TXK: variants seen among roughly 807,000 people sequenced by gnomAD.
TXK encodes the protein tyrosine-protein kinase TXK.
Under a neutral mutation model 81.0 loss-of-function variants are expected in TXK, and 60 were observed. That is an observed-to-expected ratio of 0.74 (90% confidence interval 0.60 to 0.92). The LOEUF (loss-of-function observed/expected upper bound fraction) is 0.92. TXK is among the 40% of genes least tolerant of loss of function. TXK has a pLI of 0.00. For missense variants in TXK, 581 were observed against 638.3 expected (o/e 0.91, Z 0.97); for synonymous variants, 203 against 210.7 (o/e 0.96, Z 0.32).
chr4:48,123,072 T>C (rs1255401003), intron 1 of TXK, among the ~76,000 whole-genome samples: 2 of 152,238 alleles, frequency 1.3e-5, no homozygotes, highest in East Asian at 1.9e-4. Context: ...AAACAAATTA[T>C]TTAATATCAT....
intron 14 of TXK, among the ~76,000 whole-genome samples, chr4:48,068,718 G>C (rs1000662836): frequency 6.6e-6 from 1 of 152,164 alleles, no homozygotes; most frequent in Non-Finnish European, 1.5e-5. Flanking sequence ...GGCACTGTCA[G>C]CATCTTTTAA....
At chr4:48,097,988 C>T (rs1718049895) in intron 6 of TXK, among the ~76,000 whole-genome samples, 1 of 152,040 alleles carries the variant, frequency 6.6e-6, no homozygotes, top group Non-Finnish European at 1.5e-5. Context: ...ACCTTGCGAT[C>T]CGCCCGCCTC....
intron 1 of TXK, among the ~76,000 whole-genome samples, chr4:48,120,174 T>C (rs1250621731): frequency 1.1e-5 from 1 of 94,506 alleles, no homozygotes; most frequent in African/African-American, 2.7e-5. Context: ...TGTATATACG[T>C]ATATGTGTAT....
At chr4:48,077,625 T>C (rs1717123170) in intron 11 of TXK, among the ~76,000 whole-genome samples, 1 of 152,066 alleles carries the variant, frequency 6.6e-6, no homozygotes, top group South Asian at 2.1e-4. Context: ...CTGCAGAGAC[T>C]AGGAAAGTGA....
intron 10 of TXK, among the ~76,000 whole-genome samples, chr4:48,084,540 T>C (rs987659727): frequency 1.3e-5 from 2 of 152,196 alleles, no homozygotes; most frequent in South Asian, 2.1e-4. Context: ...TTTTTTATTA[T>C]GCCTATTTAA....
chr4:48,093,695 C>T (rs917925116), intron 8 of TXK, among the ~76,000 whole-genome samples: 2 of 152,046 alleles, frequency 1.3e-5, no homozygotes, highest in Admixed American at 1.3e-4. Flanking sequence ...CTATTACAAT[C>T]GTCAAAAGTA....
At position 48,089,734 on chromosome 4, in the gene TXK, T is replaced by C. The variant is rs375206577; in HGVS notation, c.784+16A>G. 1.2e-6 allele frequency: 2 copies of C among 1,607,510 alleles called. No individual in the cohort carries two copies. Among genetic ancestry groups the C allele is most frequent in the South Asian group, 1.1e-5 (1 of 90,920 alleles). On this transcript the variant is annotated intron_variant, in intron 9 of 14. Coordinates refer to ENST00000264316, the MANE Select transcript of TXK (RefSeq NM_003328.3). Reference sequence around the variant, plus strand: ...CTGGATTTGCTATTTTACTTCAGCATGTGTGCACACTTTACCGTAGCTAAA... The same window carrying C: ...CTGGATTTGCTATTTTACTTCAGCACGTGTGCACACTTTACCGTAGCTAAA...
At chr4:48,103,375 A>G (rs1718278423) in intron 6 of TXK, among the ~76,000 whole-genome samples, 1 of 152,174 alleles carries the variant, frequency 6.6e-6, no homozygotes. Flanking sequence ...CCAGGAAAAT[A>G]GCATATTTTC....
At chr4:48,072,224 G>C (rs1258504601) in intron 13 of TXK, among the ~76,000 whole-genome samples, 1 of 152,012 alleles carries the variant, frequency 6.6e-6, no homozygotes, top group Admixed American at 6.6e-5. Context: ...GGCTGGTCTC[G>C]AGCTCTGACC....
chr4:48,080,508 A>G (rs1717257345), intron 10 of TXK, among the ~76,000 whole-genome samples: 2 of 152,210 alleles, frequency 1.3e-5, no homozygotes, highest in Non-Finnish European at 2.9e-5. Context: ...GTCCAGATGA[A>G]AAATTCTGGA....
chr4:48,118,999 C>T (rs113040242), intron 1 of TXK, among the ~76,000 whole-genome samples: 1,951 of 152,252 alleles, frequency 0.013, 18 homozygotes, highest in Non-Finnish European at 0.02. Context: ...GTCACCATCC[C>T]TAGGTTCACA....
chr4:48,089,948 G>A (rs1717695726), intron 8 of TXK, 124 bp from the exon 9 acceptor site: 2 of 619,810 alleles, frequency 3.2e-6, no homozygotes, highest in Non-Finnish European at 5.5e-6. Context: ...CTACCAGTTA[G>A]TCAGCAGTTT....
intron 14 of TXK, 94 bp downstream of exon 14, chr4:48,071,423 C>T: frequency 7.7e-7 from 1 of 1,291,330 alleles, no homozygotes; most frequent in Non-Finnish European, 1.1e-6. Context: ...CCTTTTCCTG[C>T]CATGACAGAG....
chr4:48,073,849 T>C (rs1023502217), intron 13 of TXK, 86 bp downstream of exon 13: 33 of 905,080 alleles, frequency 3.6e-5, no homozygotes, highest in Non-Finnish European at 5.0e-5. Flanking sequence ...AAAAATGCTA[T>C]ATCAATTAGG....
chr4:48,127,286 G>T (rs1252529555), intron 1 of TXK, among the ~76,000 whole-genome samples: 1 of 152,232 alleles, frequency 6.6e-6, no homozygotes, highest in African/African-American at 2.4e-5. Context: ...TTTACAGGTT[G>T]AAGTGTTGGG....
Position 48,120,331 on chromosome 4 carries a change from T to C in TXK, c.17-5929A>G, listed in dbSNP as rs867245242. Among the ~76,000 whole-genome samples the C allele has an allele frequency of 2.0e-5, 3 of 149,800 alleles. No individual in the cohort carries two copies. The Middle Eastern group carries it at 0.011, about 535-fold the overall frequency. On this transcript the variant is annotated intron_variant, in intron 1 of 14. Coordinates refer to ENST00000264316, the MANE Select transcript of TXK (RefSeq NM_003328.3). ...AGCTATTAAAATACATATATACGTA[T>C]ATATACACATATATACGTATATACG...
At chr4:48,090,138 T>G (rs957783191) in intron 8 of TXK, among the ~76,000 whole-genome samples, 2 of 152,318 alleles carry the variant, frequency 1.3e-5, no homozygotes, top group Middle Eastern at 3.4e-3. Context: ...ATTGAAAACA[T>G]GAACACATCC....
rs193157596 is a variant in TXK at position 48,104,599 on chromosome 4, G to T, written c.501+302C>A. 1.7e-3 allele frequency among the ~76,000 whole-genome samples: 94 copies of T among 56,612 alleles called. 21 individuals carry two copies. Among genetic ancestry groups the T allele is most frequent in the Non-Finnish European group, 2.5e-3 (69 of 27,236 alleles). The allele number at this position is 56,612 out of a possible 152,430, so 37.1% of individuals were successfully genotyped here. On this transcript the variant is annotated intron_variant, in intron 6 of 14. Transcript: ENST00000264316. ...TATATATATTATATATATATATAGA[G>T]AGAGAGAGAGAGAGAGAGTCCATTG...
At position 48,089,826 on chromosome 4, in the gene TXK, T is replaced by C; in HGVS notation, c.710-2A>G. 6.2e-7 allele frequency: 1 copy of C among 1,609,982 alleles called. No homozygotes were observed. The highest frequency in any genetic ancestry group is 1.7e-4 in the Middle Eastern group (1 of 6,046). On this transcript the variant is annotated splice_acceptor_variant, in intron 8 of 14. Transcript: ENST00000264316. LOFTEE classifies it high-confidence loss of function. ...GATATCGGAGACGAGTCATGAGACCTAAGGAGAAAGAGAAATCAATATTTC... is the reference window on the plus strand; with the variant it reads ...GATATCGGAGACGAGTCATGAGACCCAAGGAGAAAGAGAAATCAATATTTC...
Sources: gnomAD v4.1 joint callset for allele counts (sites outside exome capture counted in the v4.1 genomes callset) on GRCh38, gnomAD v4.1.1 for gene constraint, MANE v1.5 for transcripts, NCBI Gene and HGNC (gene_info 2026-07-23, HGNC 2026-07-21) for gene names.